BLTP3B: variants seen among roughly 807,000 people sequenced by gnomAD.
BLTP3B encodes the protein UHRF1 (ICBP90) binding protein 1-like.
At chr12:100,103,332 G>C in the BLTP3B span, among the ~76,000 whole-genome samples, 1 of 152,036 alleles carries the variant, frequency 6.6e-6, no homozygotes, top group African/African-American at 2.4e-5. Context: ...AATGGAAAAG[G>C]TTCTTTCTCA....
the BLTP3B span, among the ~76,000 whole-genome samples, chr12:100,126,343 T>C: frequency 0.11 from 17,048 of 152,094 alleles, 2,021 homozygotes; most frequent in East Asian, 0.59. Flanking sequence ...AGCCAGATCA[T>C]GAAGGACTCT....
the BLTP3B span, among the ~76,000 whole-genome samples, chr12:100,134,493 TG>T: frequency 6.6e-6 from 1 of 152,042 alleles, no homozygotes; most frequent in Non-Finnish European, 1.5e-5. Flanking sequence ...GGCGGCTGCC[TG>T]TAATTCCAGC....
At chr12:100,041,553 C>T in the BLTP3B span, among the ~76,000 whole-genome samples, 1 of 150,486 alleles carries the variant, frequency 6.6e-6, no homozygotes, top group Admixed American at 6.6e-5. Flanking sequence ...TCTCCTGCCT[C>T]AGCCTCCCGA....
At chr12:100,078,038 C>T in the BLTP3B span, among the ~76,000 whole-genome samples, 1 of 152,066 alleles carries the variant, frequency 6.6e-6, no homozygotes, top group Non-Finnish European at 1.5e-5. Context: ...ATTGGAATTT[C>T]CTATTTATGG....
chr12:100,052,042 T>TAA, the BLTP3B span, among the ~76,000 whole-genome samples: 1 of 137,956 alleles, frequency 7.2e-6, no homozygotes, highest in African/African-American at 2.6e-5. Flanking sequence ...AGACCCCATC[T>TAA]AAAAAAAAAA....
chr12:100,065,326 C>A, the BLTP3B span, among the ~76,000 whole-genome samples: 1 of 151,744 alleles, frequency 6.6e-6, no homozygotes, highest in East Asian at 1.9e-4. Flanking sequence ...AGAATAACAG[C>A]GATTTTCAGG....
At chr12:100,128,546 A>G in the BLTP3B span, 2 of 1,110,064 alleles carry the variant, frequency 1.8e-6, no homozygotes, top group Non-Finnish European at 2.3e-6. Context: ...ATAGAATGAA[A>G]AAAAAAAAAA....
the BLTP3B span, among the ~76,000 whole-genome samples, chr12:100,096,137 C>T: frequency 6.6e-6 from 1 of 152,046 alleles, no homozygotes; most frequent in African/African-American, 2.4e-5. Context: ...CCTGTGTAAT[C>T]CCAGCTACTT....
the BLTP3B span, among the ~76,000 whole-genome samples, chr12:100,044,267 T>G: frequency 6.6e-6 from 1 of 152,174 alleles, no homozygotes; most frequent in Non-Finnish European, 1.5e-5. Context: ...TGTCTCCAGT[T>G]GTTCCCAAAC....
chr12:100,073,744 CA>C, the BLTP3B span, among the ~76,000 whole-genome samples: 1 of 151,950 alleles, frequency 6.6e-6, no homozygotes, highest in Admixed American at 6.6e-5. Context: ...TATGATTCAC[CA>C]CAAACAGAAC....
chr12:100,111,890 G>A, the BLTP3B span, among the ~76,000 whole-genome samples: 2 of 152,166 alleles, frequency 1.3e-5, no homozygotes, highest in Non-Finnish European at 2.9e-5. Context: ...TTACAGGCAT[G>A]AGCCACCGTG....
chr12:100,068,010 T>A, the BLTP3B span, among the ~76,000 whole-genome samples: 1 of 152,152 alleles, frequency 6.6e-6, no homozygotes, highest in East Asian at 1.9e-4. Context: ...CAAAATCTCA[T>A]ATGGAACCAA....
At chr12:100,074,782 A>G in the BLTP3B span, among the ~76,000 whole-genome samples, 1 of 152,180 alleles carries the variant, frequency 6.6e-6, no homozygotes, top group Non-Finnish European at 1.5e-5. Flanking sequence ...TGGAGACATT[A>G]CATAACTATA....
At chr12:100,064,743 C>T in the BLTP3B span, among the ~76,000 whole-genome samples, 1 of 151,836 alleles carries the variant, frequency 6.6e-6, no homozygotes, top group African/African-American at 2.4e-5. Context: ...AATGCTGAGA[C>T]AATTTACCAC....
chr12:100,111,837 C>T, the BLTP3B span, among the ~76,000 whole-genome samples: 3 of 152,106 alleles, frequency 2.0e-5, no homozygotes, highest in Non-Finnish European at 4.4e-5. Context: ...AACTCCCGAC[C>T]TTGTGATCCA....
the BLTP3B span, among the ~76,000 whole-genome samples, chr12:100,133,317 G>A: frequency 6.6e-6 from 1 of 152,104 alleles, no homozygotes; most frequent in Non-Finnish European, 1.5e-5. Context: ...ATCTTTTATA[G>A]CAACATAAAA....
the BLTP3B span, chr12:100,097,320 C>T: frequency 6.4e-7 from 1 of 1,566,338 alleles, no homozygotes; most frequent in Non-Finnish European, 8.7e-7. Flanking sequence ...AAAGTCAAAT[C>T]CAACAGTTAA....
At chr12:100,089,279 C>T in the BLTP3B span, among the ~76,000 whole-genome samples, 740 of 152,212 alleles carry the variant, frequency 4.9e-3, 12 homozygotes, top group African/African-American at 0.017. Flanking sequence ...AATTTAAAAA[C>T]GGTAAAACTA....
At chr12:100,103,228 A>G in the BLTP3B span, among the ~76,000 whole-genome samples, 5 of 152,138 alleles carry the variant, frequency 3.3e-5, no homozygotes, top group Admixed American at 1.3e-4. Flanking sequence ...CTACCCCAAA[A>G]AGCTTATCAC....
Sources: gnomAD v4.1 joint callset for allele counts (sites outside exome capture counted in the v4.1 genomes callset) on GRCh38, gnomAD v4.1.1 for gene constraint, MANE v1.5 for transcripts, NCBI Gene and HGNC (gene_info 2026-07-23, HGNC 2026-07-21) for gene names.